Variants in MCTP1 observed in about 807,000 individuals in gnomAD.
The protein encoded by MCTP1 is multiple C2 and transmembrane domain-containing protein 1.
MCTP1 carries 69 observed loss-of-function variants against 120.6 expected under a neutral mutation model. The observed-to-expected ratio is 0.57, with a 90% CI of 0.47 to 0.70. MCTP1 has a LOEUF of 0.70. Ranked by LOEUF, MCTP1 falls within the 30% of genes least tolerant of loss-of-function variation. The pLI, the probability that MCTP1 is intolerant of heterozygous loss-of-function variation, is 0.00. For synonymous variants in MCTP1, 529 were observed against 493.1 expected (o/e 1.07, Z -0.96); for missense variants, 1,203 against 1,248.8 (o/e 0.96, Z 0.55).
At chr5:94,940,576 ACATATATAT>A (rs1817398711) in intron 4 of MCTP1, among the ~76,000 whole-genome samples, 1 of 118,208 alleles carries the variant, frequency 8.5e-6, no homozygotes, top group African/African-American at 3.9e-5. Flanking sequence ...ATATATATAT[ACATATATAT>A]GTATATATAT....
chr5:95,128,587 T>C (rs909787026), intron 1 of MCTP1, among the ~76,000 whole-genome samples: 2 of 152,374 alleles, frequency 1.3e-5, no homozygotes, highest in Non-Finnish European at 2.9e-5. Context: ...ACGTATTGTA[T>C]GATTCCATTT....
intron 1 of MCTP1, among the ~76,000 whole-genome samples, chr5:95,214,134 C>A (rs1752748004): frequency 6.6e-6 from 1 of 152,268 alleles, no homozygotes; most frequent in African/African-American, 2.4e-5. Flanking sequence ...GGGCTAATAT[C>A]CAGAATCTAC....
intron 1 of MCTP1, among the ~76,000 whole-genome samples, chr5:95,167,843 G>A (rs944024910): frequency 2.0e-5 from 3 of 152,108 alleles, no homozygotes; most frequent in African/African-American, 7.2e-5. Context: ...CCATTCTGTA[G>A]GTTGCCTGTT....
At chr5:94,807,694 A>G (rs1782639237) in intron 17 of MCTP1, among the ~76,000 whole-genome samples, 1 of 137,916 alleles carries the variant, frequency 7.3e-6, no homozygotes, top group Non-Finnish European at 1.5e-5. Context: ...TAGTTGTCAC[A>G]ATGACTAGGA....
In MCTP1 at chr5:94,706,256, T is replaced by A. The variant is rs1754555293; in HGVS notation, c.*1240A>T. ...AGACATTCTCAACCAACCAAATTATTTTTTCTCCAGAGTTATGCTCCCTTA... is the reference window on the plus strand; with the variant it reads ...AGACATTCTCAACCAACCAAATTATATTTTCTCCAGAGTTATGCTCCCTTA... On this transcript the variant is annotated 3_prime_UTR_variant, in exon 23 of 23. Coordinates refer to ENST00000515393, the MANE Select transcript of MCTP1 (RefSeq NM_024717.7). 1 of 151,546 alleles carries A rather than the reference T, an allele frequency of 6.6e-6. No individual in the cohort carries two copies. The highest frequency in any genetic ancestry group is 2.4e-5 in the African/African-American group (1 of 41,312). The allele number at this position is 151,546 out of a possible 1,614,324, so 9.4% of individuals were successfully genotyped here.
chr5:95,250,308 C>T (rs1401975811), intron 1 of MCTP1, among the ~76,000 whole-genome samples: 1 of 152,046 alleles, frequency 6.6e-6, no homozygotes, highest in Non-Finnish European at 1.5e-5. Context: ...CCCCATGGGA[C>T]TTGGGGGCTG....
intron 3 of MCTP1, among the ~76,000 whole-genome samples, chr5:94,950,925 C>T (rs984066203): frequency 2.2e-4 from 31 of 141,012 alleles, no homozygotes; most frequent in Admixed American, 6.8e-4. Flanking sequence ...CCAGCCTGGG[C>T]GACAGAGCAA....
At chr5:94,890,869 T>G (rs1352801750) in intron 11 of MCTP1, among the ~76,000 whole-genome samples, 1 of 152,226 alleles carries the variant, frequency 6.6e-6, no homozygotes, top group Non-Finnish European at 1.5e-5. Flanking sequence ...GATCAGCACT[T>G]CTACTCTGTA....
intron 9 of MCTP1, among the ~76,000 whole-genome samples, chr5:94,912,540 C>A (rs1342439480): frequency 6.9e-6 from 1 of 145,498 alleles, no homozygotes; most frequent in Non-Finnish European, 1.5e-5. Context: ...TTTTAATCCA[C>A]AGAGCTATGC....
chr5:94,867,010 T>C, intron 17 of MCTP1: 1 of 218,962 alleles, frequency 4.6e-6, no homozygotes, highest in Non-Finnish European at 8.8e-6. Context: ...CAGGACAATT[T>C]TTTTTTGCAT....
intron 19 of MCTP1, among the ~76,000 whole-genome samples, chr5:94,718,364 A>G (rs992975404): frequency 7.9e-5 from 12 of 152,230 alleles, no homozygotes; most frequent in African/African-American, 2.9e-4. Context: ...AAGATGGACT[A>G]AAGACTTAGA....
chr5:94,992,812 C>T (rs1386349037), intron 2 of MCTP1, among the ~76,000 whole-genome samples: 1 of 152,148 alleles, frequency 6.6e-6, no homozygotes, highest in African/African-American at 2.4e-5. Flanking sequence ...TTTTATCTGC[C>T]TTAGCACTGC....
chr5:94,767,609 T>C (rs1408778012), intron 19 of MCTP1, among the ~76,000 whole-genome samples: 4 of 152,190 alleles, frequency 2.6e-5, no homozygotes, highest in Non-Finnish European at 4.4e-5. Context: ...GGCATTTTTA[T>C]ACACCAGTAA....
intron 18 of MCTP1, among the ~76,000 whole-genome samples, chr5:94,783,585 A>G (rs745702954): frequency 6.6e-6 from 1 of 152,132 alleles, no homozygotes; most frequent in African/African-American, 2.4e-5. Context: ...AGGATGCAGT[A>G]ACAAGAAAAC....
intron 1 of MCTP1, among the ~76,000 whole-genome samples, chr5:95,202,894 A>AT (rs1355067094): frequency 6.6e-6 from 1 of 151,818 alleles, no homozygotes; most frequent in Non-Finnish European, 1.5e-5. Flanking sequence ...GACCCAACTA[A>AT]TTTTTTGTAT....
chr5:95,210,065 A>C (rs1582539460), intron 1 of MCTP1, among the ~76,000 whole-genome samples: 1 of 152,094 alleles, frequency 6.6e-6, no homozygotes, highest in African/African-American at 2.4e-5. Flanking sequence ...GTTCTTTTAC[A>C]TTTGCTGAGG....
At chr5:95,134,971 G>A (rs931712603) in intron 1 of MCTP1, among the ~76,000 whole-genome samples, 7 of 110,352 alleles carry the variant, frequency 6.3e-5, no homozygotes, top group Admixed American at 4.3e-4. Flanking sequence ...CAAGGATCTC[G>A]ATTTACTGTT....
chr5:94,749,168 G>C (rs1767630521), intron 19 of MCTP1, among the ~76,000 whole-genome samples: 1 of 152,068 alleles, frequency 6.6e-6, no homozygotes, highest in Admixed American at 6.6e-5. Flanking sequence ...TAAAATTTTT[G>C]CTAGGCCAAT....
chr5:94,927,680 T>A (rs1311489513), intron 6 of MCTP1, among the ~76,000 whole-genome samples: 1 of 152,182 alleles, frequency 6.6e-6, no homozygotes, highest in Admixed American at 6.5e-5. Flanking sequence ...TAAAGATGTG[T>A]TAATCTGTTT....
Sources: allele counts gnomAD v4.1 joint callset (sites outside exome capture counted in the v4.1 genomes callset), GRCh38; gene constraint gnomAD v4.1.1; transcripts MANE v1.5; gene names NCBI Gene and HGNC (gene_info 2026-07-23, HGNC 2026-07-21).